Variants in SKAP1 observed in about 807,000 individuals in gnomAD.
The protein encoded by SKAP1 is src kinase associated phosphoprotein 1.
SKAP1 carries 44 observed loss-of-function variants against 58.5 expected under a neutral mutation model. The observed-to-expected ratio is 0.75, with a 90% CI of 0.59 to 0.97. The LOEUF (loss-of-function observed/expected upper bound fraction) is 0.97. Among genes scored for constraint, SKAP1 ranks in the 50% least tolerant of loss-of-function variants. The pLI is 0.00. For missense variants in SKAP1, 390 were observed against 435.2 expected (o/e 0.90, Z 0.92); for synonymous variants, 127 against 149.7 (o/e 0.85, Z 1.11).
chr17:48,414,794 GA>G (rs2067712289), intron 1 of SKAP1, among the ~76,000 whole-genome samples: 1 of 152,198 alleles, frequency 6.6e-6, no homozygotes, highest in South Asian at 2.1e-4. Flanking sequence ...AAGGCCAGCT[GA>G]AAAGATTCTG....
chr17:48,286,208 AC>A (rs1443071206), intron 4 of SKAP1, among the ~76,000 whole-genome samples: 1 of 152,226 alleles, frequency 6.6e-6, no homozygotes, highest in African/African-American at 2.4e-5. Context: ...GCTGTATAAG[AC>A]TAAATTTTAG....
At chr17:48,440,276 A>T in the SKAP1 span, among the ~76,000 whole-genome samples, 1 of 152,190 alleles carries the variant, frequency 6.6e-6, no homozygotes, top group East Asian at 1.9e-4. Context: ...CATAGGCTTC[A>T]TACGTTGACA....
intron 4 of SKAP1, among the ~76,000 whole-genome samples, chr17:48,289,299 T>C (rs1398643399): frequency 6.6e-6 from 1 of 152,182 alleles, no homozygotes; most frequent in Non-Finnish European, 1.5e-5. Context: ...TGTTTCCTTA[T>C]GAAATTTGGT....
intron 1 of SKAP1, among the ~76,000 whole-genome samples, chr17:48,420,455 T>C (rs12948331): frequency 0.029 from 4,453 of 152,152 alleles, 238 homozygotes; most frequent in African/African-American, 0.1. Context: ...TGCCTTTTCA[T>C]GTGGCAGGGA....
chr17:48,394,417 C>T lies in SKAP1; in HGVS notation c.152+2263G>A, dbSNP rs570586798. Among the ~76,000 whole-genome samples the T allele has an allele frequency of 2.0e-5, 3 of 152,110 alleles. No homozygotes were observed. The East Asian group carries it at 5.8e-4, about 29-fold the overall frequency. ...AGTGCAATGTAATGATCATGGCCCACTGCAGCCTCAACCTGCTAGGCTCAA... is the reference window on the plus strand; with the variant it reads ...AGTGCAATGTAATGATCATGGCCCATTGCAGCCTCAACCTGCTAGGCTCAA... On this transcript the variant is annotated intron_variant, in intron 2 of 12. Transcript: ENST00000336915.
At chr17:48,397,019 T>C (rs1281513204) in intron 1 of SKAP1, 6 of 225,328 alleles carry the variant, frequency 2.7e-5, no homozygotes. Context: ...TGGTAAAATT[T>C]ATATTTTGTA....
chr17:48,232,093 A>G (rs2143784782), intron 4 of SKAP1, among the ~76,000 whole-genome samples: 1 of 146,606 alleles, frequency 6.8e-6, no homozygotes, highest in Middle Eastern at 3.4e-3. Flanking sequence ...GGTGCCTCTT[A>G]GGAAACACTA....
At chr17:48,355,887 G>A (rs916556299) in intron 3 of SKAP1, among the ~76,000 whole-genome samples, 6 of 151,490 alleles carry the variant, frequency 4.0e-5, no homozygotes, top group East Asian at 2.0e-4. Context: ...ATATACCAAC[G>A]TTCTCAAACA....
the SKAP1 span, among the ~76,000 whole-genome samples, chr17:48,436,904 G>A: frequency 6.6e-6 from 1 of 152,178 alleles, no homozygotes; most frequent in South Asian, 2.1e-4. Flanking sequence ...TGCTCTTGCT[G>A]TAAGCACATA....
chr17:48,390,108 C>T (rs1313880822), intron 2 of SKAP1, among the ~76,000 whole-genome samples: 1 of 152,152 alleles, frequency 6.6e-6, no homozygotes, highest in African/African-American at 2.4e-5. Flanking sequence ...AGTGCTCTTG[C>T]ATTTCCCTCC....
At chr17:48,368,069 A>C (rs1424771716) in intron 2 of SKAP1, among the ~76,000 whole-genome samples, 1 of 152,062 alleles carries the variant, frequency 6.6e-6, no homozygotes, top group Non-Finnish European at 1.5e-5. Flanking sequence ...TTATTTATGG[A>C]TTAACCCTAT....
chr17:48,227,001 C>T (rs1281178588), intron 4 of SKAP1, among the ~76,000 whole-genome samples: 1 of 152,128 alleles, frequency 6.6e-6, no homozygotes, highest in South Asian at 2.1e-4. Flanking sequence ...AGTGTATCTT[C>T]CTCTTGGCTT....
intron 1 of SKAP1, among the ~76,000 whole-genome samples, chr17:48,401,265 C>T (rs559746214): frequency 6.6e-6 from 1 of 151,746 alleles, no homozygotes; most frequent in Admixed American, 6.6e-5. Context: ...GAGATCATGC[C>T]ACTGCACTCC....
At chr17:48,239,765 C>T (rs759612839) in intron 4 of SKAP1, among the ~76,000 whole-genome samples, 12 of 151,596 alleles carry the variant, frequency 7.9e-5, no homozygotes, top group Admixed American at 2.0e-4. Context: ...CATACTCACA[C>T]GTATCTCACC....
At chr17:48,398,248 T>C (rs530740139) in intron 1 of SKAP1, among the ~76,000 whole-genome samples, 11 of 152,140 alleles carry the variant, frequency 7.2e-5, no homozygotes, top group South Asian at 4.1e-4. Context: ...GTCAGATCAG[T>C]GGCAGCATTA....
chr17:48,360,931 G>A (rs955633927), intron 3 of SKAP1, among the ~76,000 whole-genome samples: 1 of 151,936 alleles, frequency 6.6e-6, no homozygotes, highest in African/African-American at 2.4e-5. Flanking sequence ...ACCTTGCAAT[G>A]AGACAGTGAA....
intron 4 of SKAP1, among the ~76,000 whole-genome samples, chr17:48,262,415 G>A (rs1160387706): frequency 2.0e-5 from 3 of 152,096 alleles, no homozygotes; most frequent in African/African-American, 7.2e-5. Context: ...GTTTTTTGGG[G>A]GGGAAGTTTA....
intron 4 of SKAP1, among the ~76,000 whole-genome samples, chr17:48,254,377 T>C (rs1458235628): frequency 2.0e-5 from 3 of 152,206 alleles, no homozygotes; most frequent in Non-Finnish European, 4.4e-5. Context: ...ACTGAACATA[T>C]TGATTTAAAT....
intron 11 of SKAP1, among the ~76,000 whole-genome samples, chr17:48,155,069 A>G (rs2063955399): frequency 1.6e-5 from 1 of 64,204 alleles, no homozygotes; most frequent in African/African-American, 1.4e-4. Flanking sequence ...CTCTGTCTCA[A>G]AAAAAAAAAA....
Sources: allele counts gnomAD v4.1 joint callset (sites outside exome capture counted in the v4.1 genomes callset), GRCh38; gene constraint gnomAD v4.1.1; transcripts MANE v1.5; gene names NCBI Gene and HGNC (gene_info 2026-07-23, HGNC 2026-07-21).